The following PTPRN2 variants were observed in gnomAD, a reference collection of about 807,000 sequenced individuals.
The protein encoded by PTPRN2 is receptor-type tyrosine-protein phosphatase N2.
A neutral mutation model predicts 118.8 loss-of-function variants in PTPRN2; 74 were observed. That is an observed-to-expected ratio of 0.62 (90% CI 0.52 to 0.76). The LOEUF is 0.76. Among genes scored for constraint, PTPRN2 ranks in the 30% least tolerant of loss-of-function variants. PTPRN2 has a pLI of 0.00. For missense variants in PTPRN2, 1,481 were observed against 1,394.4 expected (o/e 1.06, Z -0.99); for synonymous variants, 641 against 608.0 (o/e 1.05, Z -0.80).
intron 2 of PTPRN2, among the ~76,000 whole-genome samples, chr7:158,473,472 T>C (rs1331928872): frequency 6.6e-6 from 1 of 152,174 alleles, no homozygotes; most frequent in African/African-American, 2.4e-5. Flanking sequence ...TGCACCCTGA[T>C]TGAGAAGCCT....
intron 13 of PTPRN2, among the ~76,000 whole-genome samples, chr7:157,668,681 G>C (rs1309675060): frequency 6.6e-5 from 10 of 152,192 alleles, no homozygotes; most frequent in Admixed American, 5.9e-4. Flanking sequence ...GAAGCCGCGG[G>C]GCCCGGTGCA....
At chr7:157,548,689 G>A (rs560363417) in intron 22 of PTPRN2, among the ~76,000 whole-genome samples, 43 of 152,272 alleles carry the variant, frequency 2.8e-4, no homozygotes, top group African/African-American at 9.1e-4. Flanking sequence ...TCTAGTGAAT[G>A]GAAAGAGCCA....
chr7:157,544,301 CGT>C (rs1798168611), intron 22 of PTPRN2, among the ~76,000 whole-genome samples: 1 of 152,208 alleles, frequency 6.6e-6, no homozygotes, highest in African/African-American at 2.4e-5. Context: ...TGACAGAATC[CGT>C]GTCTGTCACT....
chr7:157,972,721 G>A (rs1302403620), intron 11 of PTPRN2, among the ~76,000 whole-genome samples: 29 of 143,942 alleles, frequency 2.0e-4, no homozygotes, highest in Non-Finnish European at 3.6e-4. Context: ...CACCACGAGA[G>A]CAGGGCTTCA....
At chr7:157,947,297 T>C (rs1409826523) in intron 11 of PTPRN2, among the ~76,000 whole-genome samples, 4 of 152,192 alleles carry the variant, frequency 2.6e-5, no homozygotes, top group Non-Finnish European at 5.9e-5. Context: ...TGGACAGAAG[T>C]GACTGTTCTG....
chr7:157,903,454 A>G lies in PTPRN2; in HGVS notation c.1724-4717T>C, dbSNP rs1797585297. On this transcript the variant is annotated intron_variant, in intron 11 of 22. Coordinates refer to ENST00000389418, the MANE Select transcript of PTPRN2 (RefSeq NM_002847.5). The surrounding 1 kb of genome is among the most constrained non-coding windows in gnomAD (Gnocchi z 4.2). The stretch of plus-strand genomic sequence containing the variant: ...ACCCAGGTCACAAGCCTGCACATGT[A>G]CTCCCAGATTCTAAAATAAAAGCTG... 6.6e-6 allele frequency among the ~76,000 whole-genome samples: 1 copy of G among 152,024 alleles called. No individual in the cohort carries two copies. The highest frequency in any genetic ancestry group is 6.6e-5 in the Admixed American group (1 of 15,266).
intron 11 of PTPRN2, among the ~76,000 whole-genome samples, chr7:158,039,741 G>A (rs1479426496): frequency 6.6e-6 from 1 of 152,158 alleles, no homozygotes; most frequent in Non-Finnish European, 1.5e-5. Context: ...TACAAGCCAT[G>A]CTAAAAGGGA....
chr7:158,332,294 A>T (rs778772778), intron 2 of PTPRN2, among the ~76,000 whole-genome samples: 2 of 147,724 alleles, frequency 1.4e-5, no homozygotes. Flanking sequence ...TGACATCTGC[A>T]GACGTCACTC....
intron 1 of PTPRN2, among the ~76,000 whole-genome samples, chr7:158,548,712 C>T (rs1375556718): frequency 6.6e-6 from 1 of 152,206 alleles, no homozygotes; most frequent in Non-Finnish European, 1.5e-5. Context: ...ACGGGTTCTC[C>T]GTGTGACTTC....
At chr7:157,756,468 G>C (rs2150997496) in intron 12 of PTPRN2, among the ~76,000 whole-genome samples, 1 of 152,118 alleles carries the variant, frequency 6.6e-6, no homozygotes, top group East Asian at 1.9e-4. Context: ...GCTAATTTTT[G>C]TATTTTTAAT....
At chr7:157,635,859 C>T (rs1338103545) in intron 14 of PTPRN2, among the ~76,000 whole-genome samples, 1 of 152,192 alleles carries the variant, frequency 6.6e-6, no homozygotes, top group Non-Finnish European at 1.5e-5. Flanking sequence ...CCAGCCAGGA[C>T]ATTTGGAACT....
intron 11 of PTPRN2, among the ~76,000 whole-genome samples, chr7:158,000,133 C>T (rs981337354): frequency 6.6e-6 from 1 of 152,242 alleles, no homozygotes; most frequent in African/African-American, 2.4e-5. Context: ...ATGATCCACC[C>T]GCCTTGGCCT....
rs1411311604 is a variant in PTPRN2 at position 157,780,723 on chromosome 7, C to T, written c.1789-97786G>A. On this transcript the variant is annotated intron_variant, in intron 12 of 22. Transcript: ENST00000389418. The surrounding 1 kb of genome is among the most constrained non-coding windows in gnomAD (Gnocchi z 4.5). ...TATGTTGGAATGCATGATGGGGCCA[C>T]ACCCAGCACGGAGAGAGCACTTGAC... Among the ~76,000 whole-genome samples, 1 of 152,192 alleles carries T rather than the reference C, an allele frequency of 6.6e-6. No homozygotes were observed. Among genetic ancestry groups the T allele is most frequent in the East Asian group, 1.9e-4 (1 of 5,192 alleles).
At chr7:158,087,573 C>T (rs914081672) in intron 10 of PTPRN2, among the ~76,000 whole-genome samples, 4 of 126,030 alleles carry the variant, frequency 3.2e-5, no homozygotes, top group African/African-American at 1.1e-4. Flanking sequence ...CAGATGCAAA[C>T]GCTTCCTCCC....
intron 11 of PTPRN2, among the ~76,000 whole-genome samples, chr7:158,005,969 G>A (rs1334348894): frequency 2.0e-5 from 3 of 152,342 alleles, no homozygotes; most frequent in African/African-American, 4.8e-5. Context: ...GTTTCTGCCT[G>A]CATCTGAATT....
chr7:158,051,246 C>T (rs1244460989), intron 11 of PTPRN2, among the ~76,000 whole-genome samples: 1 of 151,876 alleles, frequency 6.6e-6, no homozygotes, highest in East Asian at 1.9e-4. Flanking sequence ...GACCAGCTTG[C>T]TGAGGGGAGA....
At chr7:158,206,474 CT>C (rs1427402486) in intron 3 of PTPRN2, among the ~76,000 whole-genome samples, 1 of 152,106 alleles carries the variant, frequency 6.6e-6, no homozygotes, top group East Asian at 1.9e-4. Context: ...CAGAGATGTC[CT>C]GGCTTCAGGT....
intron 10 of PTPRN2, among the ~76,000 whole-genome samples, chr7:158,102,787 G>A (rs1298588308): frequency 6.6e-6 from 1 of 152,114 alleles, no homozygotes; most frequent in Non-Finnish European, 1.5e-5. Context: ...TGCAGTCACT[G>A]AGCCGGGTTC....
intron 2 of PTPRN2, among the ~76,000 whole-genome samples, chr7:158,420,299 C>A (rs749132722): frequency 8.5e-5 from 13 of 152,202 alleles, no homozygotes; most frequent in Non-Finnish European, 1.5e-4. Context: ...GCCAACACCA[C>A]AGGCACAGCT....
Sources: gnomAD v4.1 joint callset for allele counts (sites outside exome capture counted in the v4.1 genomes callset) on GRCh38, gnomAD v4.1.1 for gene constraint, Gnocchi (gnomAD v3.1) non-coding constraint, MANE v1.5 for transcripts, NCBI Gene and HGNC (gene_info 2026-07-23, HGNC 2026-07-21) for gene names.